CLSTN2: variants seen among roughly 807,000 people sequenced by gnomAD.
CLSTN2 encodes the protein calsyntenin-2.
A neutral mutation model predicts 101.2 loss-of-function variants in CLSTN2; 48 were observed. That is an observed-to-expected ratio of 0.47 (90% confidence interval 0.38 to 0.60). The LOEUF is 0.60. Among genes scored for constraint, CLSTN2 ranks in the 20% least tolerant of loss-of-function variants. The pLI, the probability that CLSTN2 is intolerant of heterozygous loss-of-function variation, is 0.00. For synonymous variants in CLSTN2, 481 were observed against 463.6 expected, an observed-to-expected ratio of 1.04 and a Z score of -0.48; for missense variants, 1,160 against 1,238.2, an observed-to-expected ratio of 0.94 and a Z score of 0.95.
intron 1 of CLSTN2, among the ~76,000 whole-genome samples, chr3:139,949,116 C>T (rs986743401): frequency 2.0e-5 from 3 of 152,164 alleles, no homozygotes; most frequent in African/African-American, 7.2e-5. Flanking sequence ...TCTGGGAATC[C>T]CCTGGGGCAC....
intron 2 of CLSTN2, among the ~76,000 whole-genome samples, chr3:140,334,951 A>G (rs1436425971): frequency 6.6e-6 from 1 of 152,234 alleles, no homozygotes; most frequent in Non-Finnish European, 1.5e-5. Flanking sequence ...CCTCTTGGAC[A>G]GGCAAACACA....
rs576149299 is a variant in CLSTN2 at position 140,134,955 on chromosome 3, TAG to T, written c.110-40993_110-40992del. ...GTGACTATATGAACATTTTAGAATA[TAG>T]AGCACATGGAATTCCTTGCCCCAGG... On this transcript the variant is annotated intron_variant, in intron 1 of 16. Coordinates refer to ENST00000458420, the MANE Select transcript of CLSTN2 (RefSeq NM_022131.3). Among the ~76,000 whole-genome samples, 205 of 151,758 alleles carry T rather than the reference TAG, an allele frequency of 1.4e-3. 8 individuals carry two copies. In the South Asian group the frequency reaches 0.042, roughly 31 times the overall value.
chr3:140,411,068 G>A (rs2088357742), intron 4 of CLSTN2, among the ~76,000 whole-genome samples: 1 of 152,120 alleles, frequency 6.6e-6, no homozygotes, highest in African/African-American at 2.4e-5. Flanking sequence ...ACAAAATGGA[G>A]ATATTAAGTC....
intron 2 of CLSTN2, among the ~76,000 whole-genome samples, chr3:140,177,628 A>G (rs2010345270): frequency 6.6e-6 from 1 of 151,818 alleles, no homozygotes; most frequent in East Asian, 1.9e-4. Context: ...CATCTCTACA[A>G]AATAATAATA....
chr3:140,284,697 C>G, intron 2 of CLSTN2, among the ~76,000 whole-genome samples: 1 of 152,188 alleles, frequency 6.6e-6, no homozygotes, highest in Non-Finnish European at 1.5e-5. Context: ...GCTTTGTTCC[C>G]TGTTAATCTT....
intron 1 of CLSTN2, among the ~76,000 whole-genome samples, chr3:139,990,232 G>A (rs1576388803): frequency 6.6e-6 from 1 of 152,178 alleles, no homozygotes; most frequent in Non-Finnish European, 1.5e-5. Flanking sequence ...GCACCTGAAT[G>A]TCAATAAGTT....
At chr3:140,192,993 T>G (rs1479488880) in intron 2 of CLSTN2, among the ~76,000 whole-genome samples, 1 of 151,904 alleles carries the variant, frequency 6.6e-6, no homozygotes, top group Non-Finnish European at 1.5e-5. Context: ...ACATAACTTA[T>G]TATAGTCTAT....
At chr3:139,969,156 G>T (rs1321069188) in intron 1 of CLSTN2, among the ~76,000 whole-genome samples, 1 of 152,146 alleles carries the variant, frequency 6.6e-6, no homozygotes, top group African/African-American at 2.4e-5. Flanking sequence ...CACCAGAGCT[G>T]TATACTAAGG....
At chr3:140,326,493 C>T (rs565069426) in intron 2 of CLSTN2, among the ~76,000 whole-genome samples, 2 of 152,314 alleles carry the variant, frequency 1.3e-5, no homozygotes, top group South Asian at 4.1e-4. Flanking sequence ...CTAGAATGGG[C>T]TGGGCATTTC....
chr3:140,135,158 A>G (rs1314793416), intron 1 of CLSTN2, among the ~76,000 whole-genome samples: 1 of 131,744 alleles, frequency 7.6e-6, no homozygotes, highest in Non-Finnish European at 1.6e-5. Flanking sequence ...ATATATATAT[A>G]TATAAAATAT....
intron 9 of CLSTN2, among the ~76,000 whole-genome samples, chr3:140,533,437 C>T (rs1194511074): frequency 6.6e-6 from 1 of 152,118 alleles, no homozygotes; most frequent in Non-Finnish European, 1.5e-5. Flanking sequence ...CGGCCGTGCA[C>T]AGTGGCTCAC....
At chr3:140,397,526 G>T (rs1421514584) in intron 2 of CLSTN2, among the ~76,000 whole-genome samples, 2 of 152,174 alleles carry the variant, frequency 1.3e-5, no homozygotes, top group Non-Finnish European at 2.9e-5. Flanking sequence ...ATTTCTCACA[G>T]TTCTGGAGGC....
intron 8 of CLSTN2, among the ~76,000 whole-genome samples, chr3:140,520,587 G>T (rs1012616823): frequency 6.6e-6 from 1 of 152,148 alleles, no homozygotes; most frequent in Admixed American, 6.5e-5. Context: ...GGATTATCGG[G>T]ATTATAATTC....
At chr3:139,947,076 C>A (rs903012384) in intron 1 of CLSTN2, among the ~76,000 whole-genome samples, 2 of 152,224 alleles carry the variant, frequency 1.3e-5, no homozygotes, top group African/African-American at 4.8e-5. Flanking sequence ...ATTCCACAAA[C>A]CAGTCTTCTT....
At chr3:140,221,263 C>T (rs1258908778) in intron 2 of CLSTN2, among the ~76,000 whole-genome samples, 1 of 152,114 alleles carries the variant, frequency 6.6e-6, no homozygotes, top group African/African-American at 2.4e-5. Context: ...AATGCCAAAA[C>T]TCATTTGGTA....
chr3:140,565,332 GAAGTGT>G (rs1936005654), intron 16 of CLSTN2, among the ~76,000 whole-genome samples: 1 of 152,210 alleles, frequency 6.6e-6, no homozygotes, highest in Non-Finnish European at 1.5e-5. Context: ...CAATTCCTAA[GAAGTGT>G]AAGGGGAGGG....
chr3:140,002,244 G>A (rs964692420), intron 1 of CLSTN2, among the ~76,000 whole-genome samples: 8 of 152,050 alleles, frequency 5.3e-5, no homozygotes, highest in African/African-American at 1.7e-4. Flanking sequence ...GTGTCTTTTG[G>A]ATATAAGTTA....
Position 140,546,497 on chromosome 3 carries a change from T to C in CLSTN2, c.1508-18T>C. 1.9e-6 allele frequency: 3 copies of C among 1,612,480 alleles called. No homozygotes were observed. Among genetic ancestry groups the C allele is most frequent in the Non-Finnish European group, 2.5e-6 (3 of 1,179,118 alleles). On this transcript the variant is annotated intron_variant, in intron 9 of 16. Transcript: ENST00000458420. Reference sequence around the variant, plus strand: ...TACCCAGTCTTCACAGGGCAAATGATGGTGTTTGTTTTTTCAGGAGGAGAA... The same window carrying C: ...TACCCAGTCTTCACAGGGCAAATGACGGTGTTTGTTTTTTCAGGAGGAGAA...
chr3:140,049,894 T>A (rs1344079063), intron 1 of CLSTN2, among the ~76,000 whole-genome samples: 1 of 152,200 alleles, frequency 6.6e-6, no homozygotes, highest in African/African-American at 2.4e-5. Context: ...TCTTCTCTAC[T>A]TTCTCTATTC....
Sources: allele counts gnomAD v4.1 joint callset (sites outside exome capture counted in the v4.1 genomes callset), GRCh38; gene constraint gnomAD v4.1.1; transcripts MANE v1.5; gene names NCBI Gene and HGNC (gene_info 2026-07-23, HGNC 2026-07-21).